DNAH17: variants seen among roughly 807,000 people sequenced by gnomAD.
DNAH17 encodes dynein axonemal heavy chain 17.
A neutral mutation model predicts 485.6 loss-of-function variants in DNAH17; 376 were observed. The ratio of observed to expected loss-of-function variants is 0.77; its 90% CI spans 0.71 to 0.84. The LOEUF (loss-of-function observed/expected upper bound fraction) is 0.84. Ranked by LOEUF, DNAH17 falls within the 40% of genes least tolerant of loss-of-function variation. The pLI, the probability that DNAH17 is intolerant of heterozygous loss-of-function variation, is 0.00. For synonymous variants in DNAH17, 3,031 were observed against 2,405.9 expected (o/e 1.26, Z -7.60); for missense variants, 6,370 against 5,839.3 (o/e 1.09, Z -2.96).
At position 78,532,443 on chromosome 17, in the gene DNAH17, C is replaced by G. The variant is rs373947081; in HGVS notation, c.3114+39G>C. On this transcript the variant is annotated intron_variant, in intron 20 of 80. Transcript: ENST00000389840. ...CCTGGTGATCCTCTCCTGGAAGACT[C>G]TGGAGACAAGGAGGCTGGTGGGTGA... 11 of 1,574,790 alleles carry G rather than the reference C, an allele frequency of 7.0e-6. No homozygotes were observed. The African/African-American group carries it at 1.1e-4, about 15-fold the overall frequency.
chr17:78,538,254 G>C (rs935330981), intron 18 of DNAH17, among the ~76,000 whole-genome samples: 4 of 152,018 alleles, frequency 2.6e-5, no homozygotes, highest in African/African-American at 9.7e-5. Context: ...GGCTGGCCAA[G>C]CCTGCCTGTC....
At chr17:78,451,922 C>G (rs956760679) in intron 65 of DNAH17, among the ~76,000 whole-genome samples, 2 of 152,016 alleles carry the variant, frequency 1.3e-5, no homozygotes, top group Non-Finnish European at 2.9e-5. Context: ...AGGGTTTACA[C>G]CCCTCTGGCG....
Position 78,567,185 on chromosome 17 carries a change from A to ACAGT in DNAH17, c.1285-23_1285-20dup. The stretch of plus-strand genomic sequence containing the variant: ...AGAGTTCCTAGTGGAGGAGAAAAAC[A>ACAGT]CAGTCAATTCATCTTCACAACCCAA... On this transcript the variant is annotated intron_variant, in intron 9 of 80. Coordinates refer to ENST00000389840, the MANE Select transcript of DNAH17 (RefSeq NM_173628.4). 1.3e-6 allele frequency: 2 copies of ACAGT among 1,580,942 alleles called. No individual in the cohort carries two copies. Among genetic ancestry groups the ACAGT allele is most frequent in the Non-Finnish European group, 1.7e-6 (2 of 1,163,268 alleles).
rs369980468 is a variant in DNAH17, at chr17:78,571,577, G to C, written c.732+13C>G. The C allele has an allele frequency of 3.1e-6, 5 of 1,613,522 alleles. No homozygotes were observed. Among genetic ancestry groups the C allele is most frequent in the Middle Eastern group, 1.7e-4 (1 of 6,046 alleles). ...GACGAGGCTGCAGCCCCACAGGAGA[G>C]AGGAGGCCGTACCTGTTCATGGATG... is the stretch of plus-strand genomic sequence containing the variant. On this transcript the variant is annotated intron_variant, in intron 4 of 80. Transcript: ENST00000389840.
chr17:78,525,382 A>G (rs1198683533), intron 24 of DNAH17, among the ~76,000 whole-genome samples: 1 of 152,184 alleles, frequency 6.6e-6, no homozygotes, highest in Admixed American at 6.5e-5. Context: ...ACCTCTACCC[A>G]CACCAGCGTG....
At chr17:78,504,317 G>A (rs1268654416) in intron 31 of DNAH17, among the ~76,000 whole-genome samples, 2 of 152,038 alleles carry the variant, frequency 1.3e-5, no homozygotes, top group Admixed American at 1.3e-4. Context: ...CGCCCACCTC[G>A]ACCTCCCAAA....
At chr17:78,527,648 C>G (rs992993719) in intron 22 of DNAH17, among the ~76,000 whole-genome samples, 25 of 152,210 alleles carry the variant, frequency 1.6e-4, no homozygotes, top group African/African-American at 5.5e-4. Flanking sequence ...AATCCTGCCC[C>G]TGGGGACCGC....
chr17:78,487,353 G>A (rs973435138), intron 44 of DNAH17, among the ~76,000 whole-genome samples: 3 of 152,194 alleles, frequency 2.0e-5, no homozygotes, highest in Admixed American at 6.5e-5. Context: ...CCTGGTCCAG[G>A]GTAAGTGTTG....
rs1182632381 is a variant in DNAH17 at position 78,529,484 on chromosome 17, G to A, written c.3495C>T (p.His1165=). 6.2e-7 allele frequency: 1 copy of A among 1,613,896 alleles called. No homozygotes were observed. The highest frequency in any genetic ancestry group is 8.5e-7 in the Non-Finnish European group (1 of 1,179,860). The change falls in exon 22 of 81, where the codon CAC becomes CAT. Residue 1165 remains histidine (H), a synonymous_variant. Coordinates refer to ENST00000389840, the MANE Select transcript of DNAH17 (RefSeq NM_173628.4). ...ACCCACCACGTACCTGCAGCTTCAA[G>A]TGGATCTCCTCTGGCATCTCCTCCC... is the stretch of plus-strand genomic sequence containing the variant. ...TYGEEMPEEI[H]LKLQELPEHW...
At chr17:78,461,937 G>A (rs990529540) in intron 57 of DNAH17, among the ~76,000 whole-genome samples, 2 of 152,024 alleles carry the variant, frequency 1.3e-5, no homozygotes, top group Non-Finnish European at 1.5e-5. Flanking sequence ...GTGCTCAAAG[G>A]AGTTGGCAAG....
chr17:78,425,406 G>C lies in DNAH17; in HGVS notation c.13081C>G (p.Arg4361Gly), dbSNP rs779671496. 12 of 1,613,972 alleles carry C rather than the reference G, an allele frequency of 7.4e-6. No individual in the cohort carries two copies. Among genetic ancestry groups the C allele is most frequent in the South Asian group, 1.1e-5 (1 of 91,074 alleles). Reference protein sequence around the residue: ...CLSVEVTKKNREDMTAPPREG... With the variant: ...CLSVEVTKKNGEDMTAPPREG... Reference sequence around the variant, plus strand: ...CGCGGAGGAGCGGTCATGTCCTCTCGGTTTTTCTTGGTCACCTCGACAGAC... The same window carrying C: ...CGCGGAGGAGCGGTCATGTCCTCTCCGTTTTTCTTGGTCACCTCGACAGAC... The change falls in exon 80 of 81, where the codon CGA (arginine) becomes GGA (glycine). Residue 4361 changes from arginine (R) to glycine (G), a missense_variant. By Grantham distance (125) the Arg-to-Gly change is moderately radical. Transcript: ENST00000389840.
chr17:78,457,400 A>G (rs2087857697), intron 62 of DNAH17, among the ~76,000 whole-genome samples: 2 of 152,126 alleles, frequency 1.3e-5, no homozygotes, highest in Admixed American at 1.3e-4. Context: ...AAAACAAAAA[A>G]ACAAAAAAAG....
In DNAH17 at chr17:78,502,039, C is replaced by A. The variant is rs868795273; in HGVS notation, c.5191-166G>T. 1.5e-5 allele frequency: 14 copies of A among 948,120 alleles called. No individual in the cohort carries two copies. The African/African-American group carries it at 2.0e-4, about 13-fold the overall frequency. 58.7% of individuals were successfully genotyped at this position (948,120 alleles called of 1,614,324 possible). On this transcript the variant is annotated intron_variant, in intron 33 of 80. Transcript: ENST00000389840. ...GGCCCCAGCCAGGCACTGGTTTCAC[C>A]AGGGTGCGGCCCTGATGGGACACCT... is the stretch of plus-strand genomic sequence containing the variant.
At chr17:78,445,795 T>G in intron 69 of DNAH17, 115 bp from the exon 70 acceptor site, 8 of 1,148,750 alleles carry the variant, frequency 7.0e-6, no homozygotes, top group African/African-American at 1.6e-5. Context: ...GGGGGCGCCC[T>G]GTCCTGCCCC....
chr17:78,575,352 G>A (rs556921513), intron 1 of DNAH17, among the ~76,000 whole-genome samples: 3 of 152,320 alleles, frequency 2.0e-5, no homozygotes, highest in South Asian at 2.1e-4. Flanking sequence ...AAAGTTCAGA[G>A]GATGGGAAAG....
rs763116141 is a variant in DNAH17, at chr17:78,558,189, ACT to A, written c.2095_2096del (p.Ser699CysfsTer26). 6.2e-7 allele frequency: 1 copy of A among 1,613,844 alleles called. No homozygotes were observed. The highest frequency in any genetic ancestry group is 1.1e-5 in the South Asian group (1 of 91,018). ...NFQQQKEIPD[S>X]AESLFSENET... ...CGTTCTCTGAGAACAGACTCTCCGC[ACT>A]GTCTGGAATCTCTTTCTGTTGCTGG... is the stretch of plus-strand genomic sequence containing the variant. On this transcript the variant is annotated frameshift_variant, in exon 14 of 81. Transcript: ENST00000389840. LOFTEE classifies it high-confidence loss of function.
rs1364002168 is a variant in DNAH17, at chr17:78,553,298, TTTTTTTTTTTTTTTTTTTTTTA to T, written c.2179-515_2179-494del. 7.2e-5 allele frequency among the ~76,000 whole-genome samples: 4 copies of T among 55,924 alleles called. No individual in the cohort carries two copies. In the East Asian group the frequency reaches 1.4e-3, roughly 19 times the overall value. The allele number at this position is 55,924 out of a possible 152,430, so 36.7% of individuals were successfully genotyped here. On this transcript the variant is annotated intron_variant, in intron 14 of 80. Coordinates refer to ENST00000389840, the MANE Select transcript of DNAH17 (RefSeq NM_173628.4). ...AGGTTTTTGTGTTTTTTTTTTTTTTTTTTTTTTTTTTTTTTTTTTTTAAGATGGAGTCTCACTCTGTCACCCA... is the reference window on the plus strand; with the variant it reads ...AGGTTTTTGTGTTTTTTTTTTTTTTTAGATGGAGTCTCACTCTGTCACCCA...
intron 54 of DNAH17, among the ~76,000 whole-genome samples, chr17:78,469,556 C>T (rs1241768350): frequency 6.6e-6 from 1 of 152,118 alleles, no homozygotes; most frequent in Non-Finnish European, 1.5e-5. Context: ...TCAAGACCAG[C>T]CTGAGCAACA....
intron 11 of DNAH17, among the ~76,000 whole-genome samples, chr17:78,564,911 G>A (rs2092236608): frequency 6.6e-6 from 1 of 151,978 alleles, no homozygotes; most frequent in Admixed American, 6.6e-5. Flanking sequence ...GCAACTAGAT[G>A]CAGCTACCTG....
Sources: allele counts gnomAD v4.1 joint callset (sites outside exome capture counted in the v4.1 genomes callset), GRCh38; gene constraint gnomAD v4.1.1; transcripts MANE v1.5; gene names NCBI Gene and HGNC (gene_info 2026-07-23, HGNC 2026-07-21).